The following DCAF17 variants were observed in gnomAD, a reference collection of about 807,000 sequenced individuals.
DCAF17 encodes DDB1- and CUL4-associated factor 17.
In DCAF17, 48 loss-of-function variants were observed where a neutral mutation model predicts 66.0. The ratio of observed to expected loss-of-function variants is 0.73; its 90% CI spans 0.58 to 0.92. DCAF17 has a LOEUF of 0.92. Among genes scored for constraint, DCAF17 ranks in the 40% least tolerant of loss-of-function variants. The pLI is 0.00. For missense variants in DCAF17, 562 were observed against 622.8 expected (o/e 0.90, Z 1.04); for synonymous variants, 206 against 214.6 (o/e 0.96, Z 0.35).
Position 171,434,356 on chromosome 2 carries a change from G to A in DCAF17, c.-222G>A, listed in dbSNP as rs1693603245. ...GAGCCTGGGGCAGATCGAAAAGGGA[G>A]TGCTTCTTCCCTTCTCTCCGCGCTC... On this transcript the variant is annotated 5_prime_UTR_variant, in exon 1 of 14. The change creates a new upstream start codon in the 5' untranslated region. Transcript: ENST00000375255. 1 of 778,484 alleles carries A rather than the reference G, an allele frequency of 1.3e-6. No homozygotes were observed. Among genetic ancestry groups the A allele is most frequent in the Non-Finnish European group, 2.2e-6 (1 of 464,832 alleles). The allele number at this position is 778,484 out of a possible 1,614,324, so 48.2% of individuals were successfully genotyped here. A position where few individuals can be genotyped will look rare whatever the true frequency, so the allele number is the denominator to read the frequency against.
rs1452366383 is a variant in DCAF17, at chr2:171,483,434, C to T, written c.*2320C>T. On this transcript the variant is annotated 3_prime_UTR_variant, in exon 14 of 14. Transcript: ENST00000375255. The stretch of plus-strand genomic sequence containing the variant: ...GAAAAGAGGTGCATTCTGCATTGCA[C>T]TCCTGGATCTAAGTTTCTGCATTCT... 2 of 453,996 alleles carry T rather than the reference C, an allele frequency of 4.4e-6. No individual in the cohort carries two copies. Among genetic ancestry groups the T allele is most frequent in the Non-Finnish European group, 8.8e-6 (2 of 226,798 alleles). The allele number at this position is 453,996 out of a possible 1,614,324, so 28.1% of individuals were successfully genotyped here.
At chr2:171,461,072 T>C (rs1341696213) in intron 8 of DCAF17, among the ~76,000 whole-genome samples, 1 of 152,238 alleles carries the variant, frequency 6.6e-6, no homozygotes, top group Non-Finnish European at 1.5e-5. Context: ...AATCTTAAGG[T>C]CTATACAAAT....
chr2:171,473,508 G>A (rs1171113757), intron 9 of DCAF17, among the ~76,000 whole-genome samples: 2 of 152,066 alleles, frequency 1.3e-5, no homozygotes, highest in African/African-American at 4.8e-5. Context: ...TTGTGTATCA[G>A]TTTTCAGTAC....
At chr2:171,474,197 A>G in intron 10 of DCAF17, 1 of 549,644 alleles carries the variant, frequency 1.8e-6, no homozygotes. Context: ...TTGATGGATG[A>G]TATGCAAGTA....
intron 5 of DCAF17, among the ~76,000 whole-genome samples, chr2:171,452,227 A>G (rs896543282): frequency 6.6e-6 from 1 of 152,108 alleles, no homozygotes; most frequent in African/African-American, 2.4e-5. Context: ...TGAAGCAGAG[A>G]CTGGCTGTGA....
At chr2:171,457,856 C>T (rs889281762) in intron 6 of DCAF17, 115 bp from the exon 7 acceptor site, 34 of 860,008 alleles carry the variant, frequency 4.0e-5, no homozygotes, top group African/African-American at 3.8e-4. Context: ...TAATGCTAGG[C>T]GGCAGTGTTA....
At chr2:171,443,301 G>A (rs1416645426) in intron 2 of DCAF17, 1 of 425,208 alleles carries the variant, frequency 2.4e-6, no homozygotes, top group Non-Finnish European at 4.2e-6. Flanking sequence ...ATGTTAATAA[G>A]GGTTATTTTT....
Position 171,451,649 on chromosome 2 carries a change from C to G in DCAF17, c.538-1475C>G, listed in dbSNP as rs146737671. ...AGAGTGTCGTGGTGAGCTCTCAGCTCACTGCATCCTCTGCCTCCCAGGTTC... is the reference window on the plus strand; with the variant it reads ...AGAGTGTCGTGGTGAGCTCTCAGCTGACTGCATCCTCTGCCTCCCAGGTTC... On this transcript the variant is annotated intron_variant, in intron 5 of 13. Transcript: ENST00000375255. Among the ~76,000 whole-genome samples, 79 of 152,284 alleles carry G rather than the reference C, an allele frequency of 5.2e-4. No homozygotes were observed. In the East Asian group the frequency reaches 0.015, roughly 29 times the overall value.
chr2:171,459,501 A>G (rs940223226), intron 8 of DCAF17, among the ~76,000 whole-genome samples: 9 of 152,216 alleles, frequency 5.9e-5, no homozygotes, highest in Admixed American at 3.3e-4. Context: ...ATATCTGTTT[A>G]TCTTAATTCT....
Position 171,434,611 on chromosome 2 carries a change from C to G in DCAF17, c.34C>G (p.Arg12Gly), listed in dbSNP as rs1693677654. 6.5e-7 allele frequency: 1 copy of G among 1,529,186 alleles called. No individual in the cohort carries two copies. Among genetic ancestry groups the G allele is most frequent in the East Asian group, 2.5e-5 (1 of 40,086 alleles). 94.7% of individuals were successfully genotyped at this position (1,529,186 alleles called of 1,614,324 possible). The change falls in exon 1 of 14, where the codon CGG becomes GGG. Residue 12 changes from arginine (R) to glycine (G), a missense_variant. Arg to Gly is a moderately radical substitution (Grantham distance 125, BLOSUM62 -2). Transcript: ENST00000375255. ...GACCCGGAAGCCCAACGTGTGCAGCCGGCTGAGTCGCCGGGCGCTGGGCTG... is the reference window on the plus strand; with the variant it reads ...GACCCGGAAGCCCAACGTGTGCAGCGGGCTGAGTCGCCGGGCGCTGGGCTG... The part of the protein sequence containing the change: ...GPTRKPNVCS[R>G]LSRRALGCFS...
At chr2:171,451,755 T>C (rs1479944181) in intron 5 of DCAF17, among the ~76,000 whole-genome samples, 2 of 152,158 alleles carry the variant, frequency 1.3e-5, no homozygotes, top group Non-Finnish European at 2.9e-5. Context: ...TTTGTATTTT[T>C]ACTAGAGACG....
chr2:171,483,247 C>G lies in DCAF17; in HGVS notation c.*2133C>G, dbSNP rs1353885149. On this transcript the variant is annotated 3_prime_UTR_variant, in exon 14 of 14. Transcript: ENST00000375255. ...AATGTCTTCCTGCCCTACCTAAACC[C>G]CCTCTTTACCTGATATTTTAATTCG... is the stretch of plus-strand genomic sequence containing the variant. 8.8e-6 allele frequency: 4 copies of G among 453,966 alleles called. No homozygotes were observed. Among genetic ancestry groups the G allele is most frequent in the African/African-American group, 2.0e-5 (1 of 49,988 alleles). The allele number at this position is 453,966 out of a possible 1,614,324, so 28.1% of individuals were successfully genotyped here.
At chr2:171,469,165 C>A in intron 9 of DCAF17, 135 bp downstream of exon 9, 2 of 920,996 alleles carry the variant, frequency 2.2e-6, no homozygotes, top group South Asian at 1.5e-5. Context: ...ATTTAAAATA[C>A]AGAAGAATAC....
chr2:171,448,619 G>T, intron 3 of DCAF17, 62 bp from the exon 4 acceptor site: 2 of 1,430,144 alleles, frequency 1.4e-6, no homozygotes, highest in South Asian at 3.0e-5. Flanking sequence ...TTTGGACATT[G>T]ATTACTGCAA....
chr2:171,484,504 A>C lies in DCAF17; in HGVS notation c.*3390A>C. The C allele has an allele frequency of 2.2e-6, 1 of 447,612 alleles. No individual in the cohort carries two copies. The highest frequency in any genetic ancestry group is 4.4e-6 in the Non-Finnish European group (1 of 224,766). 27.7% of individuals were successfully genotyped at this position (447,612 alleles called of 1,614,324 possible). On this transcript the variant is annotated 3_prime_UTR_variant, in exon 14 of 14. Coordinates refer to ENST00000375255, the MANE Select transcript of DCAF17 (RefSeq NM_025000.4). ...TACTTTTTGATGGATTTCAAAATAA[A>C]TTGCAGTTGCTGATATACTTCCCCC... is the stretch of plus-strand genomic sequence containing the variant.
intron 8 of DCAF17, among the ~76,000 whole-genome samples, chr2:171,463,145 C>T (rs192707882): frequency 6.6e-6 from 1 of 151,442 alleles, no homozygotes; most frequent in Non-Finnish European, 1.5e-5. Context: ...GCACGAGAAT[C>T]ACTTGAACCC....
At chr2:171,435,052 T>G (rs752407824) in intron 1 of DCAF17, 31 bp from the exon 2 acceptor site, 29 of 1,502,938 alleles carry the variant, frequency 1.9e-5, no homozygotes, top group Non-Finnish European at 2.6e-5. Flanking sequence ...TAAGAGTTCT[T>G]TCCTGAACGG....
intron 5 of DCAF17, 108 bp downstream of exon 5, chr2:171,450,065 A>G (rs1257445925): frequency 1.0e-5 from 10 of 982,400 alleles, no homozygotes; most frequent in Non-Finnish European, 1.6e-5. Flanking sequence ...AGCATGCTGT[A>G]AAAGATAGGA....
At position 171,448,628 on chromosome 2, in the gene DCAF17, A is replaced by G. The variant is rs1340562867; in HGVS notation, c.322-53A>G. ...ATTTTCTTTGGACATTGATTACTGCAAATTGTTCATGGCCAAGCAGTTTCA... is the reference window on the plus strand; with the variant it reads ...ATTTTCTTTGGACATTGATTACTGCGAATTGTTCATGGCCAAGCAGTTTCA... On this transcript the variant is annotated intron_variant, in intron 3 of 13. Transcript: ENST00000375255. The G allele has an allele frequency of 3.4e-6, 5 of 1,472,820 alleles. No homozygotes were observed. The African/African-American group carries it at 7.2e-5, about 21-fold the overall frequency. 91.2% of individuals were successfully genotyped at this position (1,472,820 alleles called of 1,614,324 possible).
Sources: allele counts gnomAD v4.1 joint callset (sites outside exome capture counted in the v4.1 genomes callset), GRCh38; gene constraint gnomAD v4.1.1; transcripts MANE v1.5; gene names NCBI Gene and HGNC (gene_info 2026-07-23, HGNC 2026-07-21).